Variants in HECTD2 observed in about 807,000 individuals in gnomAD.
HECTD2 encodes the protein probable E3 ubiquitin-protein ligase HECTD2.
In HECTD2, 35 loss-of-function variants were observed where a neutral mutation model predicts 103.2. That is an observed-to-expected ratio of 0.34 (90% CI 0.26 to 0.45). The LOEUF (loss-of-function observed/expected upper bound fraction) is 0.45. Ranked by LOEUF, HECTD2 falls within the 20% of genes least tolerant of loss-of-function variation. HECTD2 has a pLI of 1.00. For missense variants in HECTD2, 596 were observed against 937.4 expected (o/e 0.64, Z 4.76); for synonymous variants, 281 against 329.9 (o/e 0.85, Z 1.61).
intron 5 of HECTD2, among the ~76,000 whole-genome samples, chr10:91,473,187 C>T (rs1227167914): frequency 2.0e-5 from 3 of 151,898 alleles, no homozygotes; most frequent in South Asian, 2.1e-4. Context: ...ATTGGAACAT[C>T]GTAATAAAGA....
At chr10:91,472,937 G>A (rs567744797) in intron 5 of HECTD2, among the ~76,000 whole-genome samples, 1 of 152,136 alleles carries the variant, frequency 6.6e-6, no homozygotes, top group Non-Finnish European at 1.5e-5. Flanking sequence ...AAATTTCTCA[G>A]AGTAGAACTC....
At chr10:91,466,326 G>C (rs1845530548) in intron 5 of HECTD2, among the ~76,000 whole-genome samples, 1 of 152,024 alleles carries the variant, frequency 6.6e-6, no homozygotes, top group Non-Finnish European at 1.5e-5. Flanking sequence ...AGTCTGGCTA[G>C]AGGCTTATCA....
chr10:91,482,953 A>G lies in HECTD2; in HGVS notation c.712-14A>G, dbSNP rs781172067. On this transcript the variant is annotated splice_polypyrimidine_tract_variant and intron_variant, in intron 7 of 20. Coordinates refer to ENST00000298068, the MANE Select transcript of HECTD2 (RefSeq NM_182765.6). ...ACAGAATTTTAACACAATTATCTTT[A>G]ATATCTTTTTCAGAATCCTCAGTTT... The G allele has an allele frequency of 5.0e-5, 60 of 1,209,250 alleles. No individual in the cohort carries two copies. The highest frequency in any genetic ancestry group is 7.1e-5 in the Non-Finnish European group (59 of 836,664). 74.9% of individuals were successfully genotyped at this position (1,209,250 alleles called of 1,614,324 possible).
At chr10:91,431,519 A>G (rs548312988) in intron 2 of HECTD2, among the ~76,000 whole-genome samples, 5 of 152,166 alleles carry the variant, frequency 3.3e-5, no homozygotes, top group African/African-American at 4.8e-5. Context: ...AGGTACACCA[A>G]TCAGACGCAG....
chr10:91,489,396 C>T (rs1276843156), intron 11 of HECTD2: 1 of 152,126 alleles, frequency 6.6e-6, no homozygotes, highest in Admixed American at 6.5e-5. Context: ...TAAGCAAGAG[C>T]TTATATGGTA....
rs144676392 is a variant in HECTD2, at chr10:91,475,204, G to C, written c.601-2997G>C. On this transcript the variant is annotated intron_variant, in intron 5 of 20. Coordinates refer to ENST00000298068, the MANE Select transcript of HECTD2 (RefSeq NM_182765.6). ...GTCTGTAGTGTGTCAAGAGAAAGGA[G>C]TTAGGAAGGCCTTGTAGTAGTTGAA... is the stretch of plus-strand genomic sequence containing the variant. 3.4e-3 allele frequency among the ~76,000 whole-genome samples: 522 copies of C among 152,314 alleles called. 3 individuals carry two copies. Among genetic ancestry groups the C allele is most frequent in the South Asian group, 7.0e-3 (34 of 4,824 alleles).
intron 2 of HECTD2, 90 bp from the exon 3 acceptor site, chr10:91,460,337 G>T (rs1312313007): frequency 2.7e-6 from 3 of 1,103,408 alleles, no homozygotes; most frequent in East Asian, 5.0e-5. Flanking sequence ...TAATTCATTT[G>T]TTTTCTGTTC....
chr10:91,454,793 T>C (rs1447487460), intron 2 of HECTD2, among the ~76,000 whole-genome samples: 1 of 151,908 alleles, frequency 6.6e-6, no homozygotes, highest in Non-Finnish European at 1.5e-5. Flanking sequence ...TTGTTCAATT[T>C]CCACCTGTGA....
At chr10:91,488,506 A>G (rs1347864558) in intron 11 of HECTD2, 2 of 152,152 alleles carry the variant, frequency 1.3e-5, no homozygotes, top group Non-Finnish European at 2.9e-5. Context: ...TATTTCAAAC[A>G]TCTGCTTGTG....
chr10:91,494,849 T>C (rs1846608394), intron 14 of HECTD2, among the ~76,000 whole-genome samples: 1 of 152,056 alleles, frequency 6.6e-6, no homozygotes, highest in Admixed American at 6.6e-5. Context: ...TATATTCATA[T>C]ATCACAATTT....
intron 2 of HECTD2, among the ~76,000 whole-genome samples, chr10:91,429,242 T>G (rs1170332138): frequency 6.6e-6 from 1 of 152,146 alleles, no homozygotes; most frequent in Non-Finnish European, 1.5e-5. Context: ...TTGATCATGG[T>G]GGAGAAGCTT....
At chr10:91,496,612 T>TA (rs939176516) in intron 15 of HECTD2, among the ~76,000 whole-genome samples, 2 of 152,188 alleles carry the variant, frequency 1.3e-5, no homozygotes, top group Admixed American at 6.5e-5. Context: ...CTCTGTCACT[T>TA]ACTAGCTCTG....
intron 1 of HECTD2, among the ~76,000 whole-genome samples, chr10:91,412,109 CA>C (rs1269147509): frequency 6.6e-6 from 1 of 152,164 alleles, no homozygotes; most frequent in African/African-American, 2.4e-5. Flanking sequence ...TAATTCGGTA[CA>C]TATATCATAT....
At chr10:91,462,392 C>A in intron 5 of HECTD2, 2 of 1,170,612 alleles carry the variant, frequency 1.7e-6, no homozygotes, top group Non-Finnish European at 2.2e-6. Flanking sequence ...CTTTTATATC[C>A]AATCCTTTTT....
chr10:91,414,119 C>T (rs1041473083), intron 1 of HECTD2, among the ~76,000 whole-genome samples: 1 of 152,154 alleles, frequency 6.6e-6, no homozygotes, highest in African/African-American at 2.4e-5. Context: ...CTGGCTACTT[C>T]TACACCTAAT....
At position 91,496,267 on chromosome 10, in the gene HECTD2, C is replaced by G. The variant is rs1245042407; in HGVS notation, c.1575C>G (p.Pro525=). 1 of 1,612,572 alleles carries G rather than the reference C, an allele frequency of 6.2e-7. No individual in the cohort carries two copies. The highest frequency in any genetic ancestry group is 8.5e-7 in the Non-Finnish European group (1 of 1,178,800). ...TCACCTTGGATATTCGTTTCCCTCC[C>G]TGCTGTTACAAGAAATTATTGAGCC... is the stretch of plus-strand genomic sequence containing the variant. ...NSITLDIRFP[P]CCYKKLLSPP... The change falls in exon 15 of 21, where the codon CCC becomes CCG. Residue 525 remains proline (P), a synonymous_variant. Coordinates refer to ENST00000298068, the MANE Select transcript of HECTD2 (RefSeq NM_182765.6).
intron 3 of HECTD2, among the ~76,000 whole-genome samples, chr10:91,460,928 C>A (rs1845320145): frequency 6.6e-6 from 1 of 151,988 alleles, no homozygotes; most frequent in Admixed American, 6.5e-5. Flanking sequence ...AATCCAGATG[C>A]ATATTTGAAG....
chr10:91,470,274 C>A (rs945096896), intron 5 of HECTD2, among the ~76,000 whole-genome samples: 13 of 152,200 alleles, frequency 8.5e-5, no homozygotes, highest in African/African-American at 2.4e-4. Context: ...TTCTTCTGAA[C>A]TGTACATGAC....
chr10:91,428,148 G>T (rs1439021666), intron 2 of HECTD2, among the ~76,000 whole-genome samples: 1 of 151,190 alleles, frequency 6.6e-6, no homozygotes, highest in Non-Finnish European at 1.5e-5. Flanking sequence ...TTTCCCCATT[G>T]CTTGTTTTTC....
Sources: gnomAD v4.1 joint callset for allele counts (sites outside exome capture counted in the v4.1 genomes callset) on GRCh38, gnomAD v4.1.1 for gene constraint, MANE v1.5 for transcripts, NCBI Gene and HGNC (gene_info 2026-07-23, HGNC 2026-07-21) for gene names.